Variants in DAW1 observed in about 807,000 individuals in gnomAD.
The protein encoded by DAW1 is dynein assembly factor with WD repeat domains 1.
DAW1 carries 47 observed loss-of-function variants against 56.5 expected under a neutral mutation model. The ratio of observed to expected loss-of-function variants is 0.83; its 90% CI spans 0.66 to 1.06. The LOEUF (loss-of-function observed/expected upper bound fraction) is 1.06, where lower values mean the gene tolerates loss of function less well. Ranked by LOEUF, DAW1 falls within the 50% of genes least tolerant of loss-of-function variation. The pLI is 0.00. For missense variants in DAW1, 505 were observed against 499.3 expected, an observed-to-expected ratio of 1.01 and a Z score of -0.11; for synonymous variants, 190 against 179.0, an observed-to-expected ratio of 1.06 and a Z score of -0.49.
chr2:227,884,183 A>G (rs926958067), intron 1 of DAW1, among the ~76,000 whole-genome samples: 1 of 152,156 alleles, frequency 6.6e-6, no homozygotes, highest in Non-Finnish European at 1.5e-5. Flanking sequence ...ATATTTTTCA[A>G]TTCTATAATC....
chr2:227,900,973 G>A (rs1691528199), intron 6 of DAW1, among the ~76,000 whole-genome samples: 1 of 152,280 alleles, frequency 6.6e-6, no homozygotes, highest in African/African-American at 2.4e-5. Context: ...CTAAGGAATT[G>A]GATTTTATTT....
intron 10 of DAW1, among the ~76,000 whole-genome samples, chr2:227,915,243 T>C (rs72965741): frequency 0.2 from 30,050 of 152,010 alleles, 3,229 homozygotes; most frequent in Middle Eastern, 0.32. Context: ...TGATGATATA[T>C]GATGCTATAC....
intron 6 of DAW1, among the ~76,000 whole-genome samples, chr2:227,898,981 T>C (rs1691474683): frequency 6.6e-6 from 1 of 152,228 alleles, no homozygotes; most frequent in South Asian, 2.1e-4. Flanking sequence ...TTTAGGCTGA[T>C]TGTTTTCTGT....
chr2:227,921,968 A>G (rs1008359175), intron 12 of DAW1, among the ~76,000 whole-genome samples: 4 of 152,206 alleles, frequency 2.6e-5, no homozygotes, highest in Non-Finnish European at 5.9e-5. Flanking sequence ...CCTGGGCAAC[A>G]TAGTGAGACC....
At chr2:227,879,379 T>G (rs933549996) in intron 1 of DAW1, among the ~76,000 whole-genome samples, 3 of 152,186 alleles carry the variant, frequency 2.0e-5, no homozygotes, top group Non-Finnish European at 2.9e-5. Context: ...TCTTTGTAAG[T>G]TGACCGCTCC....
At chr2:227,909,566 A>C (rs932872821) in intron 10 of DAW1, among the ~76,000 whole-genome samples, 13 of 152,048 alleles carry the variant, frequency 8.5e-5, no homozygotes, top group Admixed American at 3.3e-4. Flanking sequence ...GAGAATCAGG[A>C]AAGTCAGTGG....
intron 4 of DAW1, among the ~76,000 whole-genome samples, chr2:227,892,712 A>G (rs149859667): frequency 5.8e-4 from 89 of 152,308 alleles, no homozygotes; most frequent in Non-Finnish European, 9.3e-4. Context: ...GAGTTTCGCT[A>G]TTAGACTTTT....
intron 1 of DAW1, among the ~76,000 whole-genome samples, chr2:227,879,024 G>T (rs1690949363): frequency 6.6e-6 from 1 of 152,008 alleles, no homozygotes; most frequent in East Asian, 1.9e-4. Context: ...GGCCTCAAGT[G>T]ACCTGCCCGC....
At position 227,918,784 on chromosome 2, in the gene DAW1, A is replaced by G; in HGVS notation, c.978A>G (p.Thr326=). Residue 326 remains threonine (T), a synonymous_variant, in exon 11 of 13, where the codon ACA becomes ACG. Transcript: ENST00000309931. The part of the protein sequence containing the change: ...KLIATASADG[T]ARIFSAATRK... ...ATCCCCACCCCTCTCAAAAAGGAAC[A>G]GCAAGAATTTTCAGTGCTGCCACAA... The G allele has an allele frequency of 1.2e-6, 2 of 1,614,192 alleles. No individual in the cohort carries two copies. Among genetic ancestry groups the G allele is most frequent in the Non-Finnish European group, 1.7e-6 (2 of 1,180,038 alleles).
At chr2:227,886,647 A>G (rs972873790) in intron 2 of DAW1, among the ~76,000 whole-genome samples, 5 of 151,850 alleles carry the variant, frequency 3.3e-5, no homozygotes, top group African/African-American at 9.7e-5. Context: ...CTCATACAAA[A>G]CTCCACTTCA....
chr2:227,902,409 G>A (rs1290899233), intron 6 of DAW1, among the ~76,000 whole-genome samples: 1 of 152,146 alleles, frequency 6.6e-6, no homozygotes, highest in Non-Finnish European at 1.5e-5. Flanking sequence ...ATGTCTCAAT[G>A]AGATGAAAGA....
At chr2:227,874,963 A>AAAACAAACAAACAAAC (rs55786766) in intron 1 of DAW1, among the ~76,000 whole-genome samples, 3,579 of 117,856 alleles carry the variant, frequency 0.03, 61 homozygotes, top group Middle Eastern at 0.089. Flanking sequence ...ACTCTGTCTC[A>AAAACAAACAAACAAAC]AAACAAACAA....
At chr2:227,902,891 A>G (rs545516209) in intron 6 of DAW1, 111 bp from the exon 7 acceptor site, 145 of 1,138,408 alleles carry the variant, frequency 1.3e-4, no homozygotes, top group Non-Finnish European at 1.7e-4. Flanking sequence ...GGTTTTGTAC[A>G]AAGAATTAGA....
At chr2:227,910,543 G>A (rs1691791156) in intron 10 of DAW1, among the ~76,000 whole-genome samples, 1 of 134,652 alleles carries the variant, frequency 7.4e-6, no homozygotes, top group Non-Finnish European at 1.7e-5. Flanking sequence ...ATTCTAGACA[G>A]CCATATGTGG....
At chr2:227,919,070 C>T (rs980977580) in intron 11 of DAW1, among the ~76,000 whole-genome samples, 1 of 151,906 alleles carries the variant, frequency 6.6e-6, no homozygotes, top group African/African-American at 2.4e-5. Flanking sequence ...GTGTTACCCA[C>T]CTGTAGTCCC....
rs112733591 is a variant in DAW1 at position 227,901,179 on chromosome 2, G to T, written c.541-1823G>T. 4.1e-3 allele frequency among the ~76,000 whole-genome samples: 628 copies of T among 152,280 alleles called. 6 individuals carry two copies. Among genetic ancestry groups the T allele is most frequent in the African/African-American group, 0.015 (610 of 41,540 alleles). On this transcript the variant is annotated intron_variant, in intron 6 of 12. Coordinates refer to ENST00000309931, the MANE Select transcript of DAW1 (RefSeq NM_178821.3). ...GACCTGTTGTAAAGATAGATGAAGAGAATGTGAGTAGAACTTGGTTACTAA... is the reference window on the plus strand; with the variant it reads ...GACCTGTTGTAAAGATAGATGAAGATAATGTGAGTAGAACTTGGTTACTAA...
At chr2:227,908,958 TTATC>T (rs535415924) in intron 10 of DAW1, among the ~76,000 whole-genome samples, 86 of 152,328 alleles carry the variant, frequency 5.6e-4, no homozygotes, top group African/African-American at 2.0e-3. Flanking sequence ...ACCAAGTCTG[TTATC>T]TATCTGATGA....
intron 6 of DAW1, among the ~76,000 whole-genome samples, chr2:227,901,480 A>G (rs2106202397): frequency 6.6e-6 from 1 of 152,294 alleles, no homozygotes; most frequent in Middle Eastern, 3.4e-3. Context: ...GGCAGTAGAA[A>G]CCAATGAGCA....
In DAW1 at chr2:227,871,670, G is replaced by A. The variant is rs756806067; in HGVS notation, c.-20G>A. The stretch of plus-strand genomic sequence containing the variant: ...TCCAAGGCTACGAAGCCCATCGGCC[G>A]GGGATAAGAGAGCAAGAAAATGAAG... On this transcript the variant is annotated 5_prime_UTR_variant, in exon 1 of 13. Coordinates refer to ENST00000309931, the MANE Select transcript of DAW1 (RefSeq NM_178821.3). The A allele has an allele frequency of 3.1e-6, 5 of 1,612,486 alleles. No individual in the cohort carries two copies. Among genetic ancestry groups the A allele is most frequent in the Non-Finnish European group, 4.2e-6 (5 of 1,179,330 alleles).
Sources: allele counts gnomAD v4.1 joint callset (sites outside exome capture counted in the v4.1 genomes callset), GRCh38; gene constraint gnomAD v4.1.1; transcripts MANE v1.5; gene names NCBI Gene and HGNC (gene_info 2026-07-23, HGNC 2026-07-21).